HECTD4: variants seen among roughly 807,000 people sequenced by gnomAD.
HECTD4 encodes HECT domain E3 ubiquitin protein ligase 4.
HECTD4 carries 114 observed loss-of-function variants against 471.5 expected under a neutral mutation model. The observed-to-expected ratio is 0.24, with a 90% confidence interval of 0.21 to 0.28. The LOEUF is 0.28. HECTD4 is among the 10% of genes least tolerant of loss of function. The pLI, the probability that HECTD4 is intolerant of heterozygous loss-of-function variation, is 1.00. For synonymous variants in HECTD4, 2,012 were observed against 2,256.0 expected (o/e 0.89, Z 3.07); for missense variants, 3,866 against 5,651.5 (o/e 0.68, Z 10.13).
At chr12:112,230,634 TTC>T in intron 40 of HECTD4, 51 bp downstream of exon 40, 1 of 1,539,366 alleles carries the variant, frequency 6.5e-7, no homozygotes, top group Non-Finnish European at 8.8e-7. Flanking sequence ...ATGATTCTAA[TTC>T]TAATTAGCTT....
chr12:112,260,980 C>G (rs892486636), intron 18 of HECTD4, among the ~76,000 whole-genome samples: 1 of 152,220 alleles, frequency 6.6e-6, no homozygotes, highest in Non-Finnish European at 1.5e-5. Flanking sequence ...CATGAGGAAA[C>G]TAAGTGTGCA....
At position 112,324,033 on chromosome 12, in the gene HECTD4, C is replaced by T. The variant is rs867176559; in HGVS notation, c.178-4291G>A. On this transcript the variant is annotated intron_variant, in intron 1 of 75. Transcript: ENST00000682272. Reference sequence around the variant, plus strand: ...TCCTTCCTTCCTTCCTTCCTTCCTTCCTTCCTTCCTTCCTTTCTTTCTTTC... The same window carrying T: ...TCCTTCCTTCCTTCCTTCCTTCCTTTCTTCCTTCCTTCCTTTCTTTCTTTC... 0.068 allele frequency among the ~76,000 whole-genome samples: 1,578 copies of T among 23,364 alleles called. 386 individuals carry two copies. In the East Asian group the frequency reaches 0.71, roughly 10 times the overall value. 15.3% of individuals were successfully genotyped at this position (23,364 alleles called of 152,430 possible).
chr12:112,337,285 G>A (rs920290617), intron 1 of HECTD4, among the ~76,000 whole-genome samples: 1 of 152,248 alleles, frequency 6.6e-6, no homozygotes, highest in African/African-American at 2.4e-5. Context: ...CTGTTAGTAT[G>A]AGCAATATTT....
At chr12:112,352,564 GACCTC>G (rs1275754101) in intron 1 of HECTD4, among the ~76,000 whole-genome samples, 1 of 151,818 alleles carries the variant, frequency 6.6e-6, no homozygotes, top group African/African-American at 2.4e-5. Flanking sequence ...TCGAACTCCT[GACCTC>G]AGGTGATCTG....
In HECTD4 at chr12:112,173,600, T is replaced by G. The variant is rs1293613423; in HGVS notation, c.11595-739A>C. ...TAGTAGAGACGAGGTTTCACCGTGTTAGCCAGGATGGTCTCAATCTCCTGA... is the reference window on the plus strand; with the variant it reads ...TAGTAGAGACGAGGTTTCACCGTGTGAGCCAGGATGGTCTCAATCTCCTGA... On this transcript the variant is annotated intron_variant, in intron 66 of 75. Coordinates refer to ENST00000682272, the MANE Select transcript of HECTD4 (RefSeq NM_001388303.1). This position sits in a 1 kb window ranked among gnomAD's most constrained non-coding sequence, Gnocchi z 4.3. 1.3e-5 allele frequency among the ~76,000 whole-genome samples: 2 copies of G among 151,900 alleles called. No homozygotes were observed. Among genetic ancestry groups the G allele is most frequent in the Non-Finnish European group, 2.9e-5 (2 of 67,952 alleles).
At chr12:112,377,298 C>T (rs963879439) in intron 1 of HECTD4, among the ~76,000 whole-genome samples, 3 of 151,710 alleles carry the variant, frequency 2.0e-5, no homozygotes, top group South Asian at 2.1e-4. Flanking sequence ...AACAAAAAAA[C>T]GGAGCCCTCT....
chr12:112,234,410 G>T (rs577164319), intron 37 of HECTD4, among the ~76,000 whole-genome samples: 1 of 152,258 alleles, frequency 6.6e-6, no homozygotes, highest in African/African-American at 2.4e-5. Context: ...ATGGCAGACA[G>T]GGGATTCAAT....
At position 112,161,982 on chromosome 12, in the gene HECTD4, G is replaced by A. The variant is rs758364554; in HGVS notation, c.*405C>T. 18 of 160,670 alleles carry A rather than the reference G, an allele frequency of 1.1e-4. No homozygotes were observed. The highest frequency in any genetic ancestry group is 2.0e-4 in the Non-Finnish European group (15 of 73,422). The allele number at this position is 160,670 out of a possible 1,614,324, so 10.0% of individuals were successfully genotyped here. On this transcript the variant is annotated 3_prime_UTR_variant, in exon 76 of 76. Coordinates refer to ENST00000682272, the MANE Select transcript of HECTD4 (RefSeq NM_001388303.1). ...TGGCCACAGGCTTGTCTGTGGAGGC[G>A]CTCTGCTGAAAGCACGAGCGCTCTG... is the stretch of plus-strand genomic sequence containing the variant.
chr12:112,354,655 C>T (rs928402927), intron 1 of HECTD4, among the ~76,000 whole-genome samples: 4 of 152,036 alleles, frequency 2.6e-5, no homozygotes, highest in African/African-American at 9.7e-5. Flanking sequence ...CATTGCACAC[C>T]AGCTTGGGCA....
chr12:112,329,626 C>G (rs1310724566), intron 1 of HECTD4, among the ~76,000 whole-genome samples: 4 of 152,046 alleles, frequency 2.6e-5, no homozygotes, highest in African/African-American at 9.7e-5. Flanking sequence ...CCTCGGCGTC[C>G]CAAAGTGCTG....
At chr12:112,216,742 T>C in intron 47 of HECTD4, 31 bp downstream of exon 47, 1 of 1,606,234 alleles carries the variant, frequency 6.2e-7, no homozygotes, top group South Asian at 1.1e-5. Context: ...GCTACTGCTC[T>C]CTGTCACACT....
intron 47 of HECTD4, 121 bp from the exon 48 acceptor site, chr12:112,216,492 A>G: frequency 1.4e-6 from 1 of 708,392 alleles, no homozygotes; most frequent in Non-Finnish European, 2.4e-6. Context: ...TTATTATAGT[A>G]TCACTTTAGT....
At chr12:112,256,766 A>G in intron 20 of HECTD4, 1 of 294,820 alleles carries the variant, frequency 3.4e-6, no homozygotes, top group Non-Finnish European at 6.1e-6. Flanking sequence ...GACAAGAAGC[A>G]GAGATATATT....
Position 112,243,724 on chromosome 12 carries a change from T to C in HECTD4, c.4687A>G (p.Thr1563Ala). The change falls in exon 31 of 76, where the codon ACA becomes GCA. Residue 1563 changes from threonine (T) to alanine (A), a missense_variant. Around this residue, in one of 16 missense-constraint regions of HECTD4, gnomAD observed 229 missense variants for 386.4 expected, o/e 0.59. Coordinates refer to ENST00000682272, the MANE Select transcript of HECTD4 (RefSeq NM_001388303.1). The surrounding 1 kb of genome is among the most constrained non-coding windows in gnomAD (Gnocchi z 6.6). ...TCAATGGCCAGCGACTGCAGGAGTG[T>C]AAAGGAGCTGCTGCGGTGGCTGGTC... ...HVTSHRSSSF[T>A]LLQSLAIEDS... The C allele has an allele frequency of 6.2e-7, 1 of 1,613,826 alleles. No homozygotes were observed. The highest frequency in any genetic ancestry group is 8.5e-7 in the Non-Finnish European group (1 of 1,179,794).
rs754483949 is a variant in HECTD4, at chr12:112,175,805, C to T, written c.11525G>A (p.Arg3842Gln). The T allele has an allele frequency of 1.3e-5, 21 of 1,613,326 alleles. No homozygotes were observed. Among genetic ancestry groups the T allele is most frequent in the South Asian group, 4.4e-5 (4 of 90,894 alleles). ...GACGCTACGGATATCTTGCCTGGCT[C>T]GGTCAATAACAAATTTGTGAAATCC... ...LEGFHKFVID[R>Q]ARQDIRSVWR... The change falls in exon 66 of 76, where the codon CGA (arginine) becomes CAA (glutamine). Residue 3842 changes from arginine to glutamine, a missense_variant. Physicochemically the swap from Arg to Gln is conservative, Grantham distance 43. Coordinates refer to ENST00000682272, the MANE Select transcript of HECTD4 (RefSeq NM_001388303.1).
chr12:112,189,572 A>AAAAAAAG (rs2032007015), intron 60 of HECTD4, among the ~76,000 whole-genome samples: 1 of 150,356 alleles, frequency 6.7e-6, no homozygotes, highest in African/African-American at 2.5e-5. Flanking sequence ...AAAAAAAAAA[A>AAAAAAAG]AAAGAAAGAA....
intron 1 of HECTD4, among the ~76,000 whole-genome samples, chr12:112,337,251 C>T (rs1461938644): frequency 6.6e-6 from 1 of 152,150 alleles, no homozygotes; most frequent in Non-Finnish European, 1.5e-5. Flanking sequence ...GTGTCAAATG[C>T]AATTCACCTC....
intron 55 of HECTD4, among the ~76,000 whole-genome samples, chr12:112,198,542 G>C (rs949421964): frequency 2.0e-5 from 3 of 152,316 alleles, no homozygotes; most frequent in African/African-American, 7.2e-5. Context: ...GGCTGTCGTG[G>C]TGGAGGTAGG....
Position 112,164,125 on chromosome 12 carries a change from G to A in HECTD4, c.12685C>T (p.Arg4229Trp), listed in dbSNP as rs761406553. The change falls in exon 73 of 76, where the codon CGG (arginine) becomes TGG (tryptophan). Residue 4229 changes from arginine (R) to tryptophan (W), a missense_variant. Arg to Trp is a moderately radical substitution (Grantham distance 101, BLOSUM62 -3). Transcript: ENST00000682272. ...CACACTCACGCCACAAGGATGTGCC[G>A]GCCCCGGCTGCACAGCTCCACCTCC... ...GEEVELCSRG[R>W]HILVAWENKD... 1.2e-5 allele frequency: 19 copies of A among 1,602,664 alleles called. No individual in the cohort carries two copies. The highest frequency in any genetic ancestry group is 1.7e-5 in the Admixed American group (1 of 59,258).
Sources: allele counts gnomAD v4.1 joint callset (sites outside exome capture counted in the v4.1 genomes callset), GRCh38; gene constraint gnomAD v4.1.1; regional missense constraint gnomAD v4.1.1; non-coding constraint Gnocchi (gnomAD v3.1); transcripts MANE v1.5; gene names NCBI Gene and HGNC (gene_info 2026-07-23, HGNC 2026-07-21).